HHAT: variants seen among roughly 807,000 people sequenced by gnomAD.
HHAT encodes the protein hedgehog acyltransferase.
In HHAT, 47 loss-of-function variants were observed where a neutral mutation model predicts 70.8. That is an observed-to-expected ratio of 0.66 (90% confidence interval 0.53 to 0.85). The LOEUF (loss-of-function observed/expected upper bound fraction) is 0.85, where lower values mean the gene tolerates loss of function less well. HHAT is among the 40% of genes least tolerant of loss of function. The probability of loss-of-function intolerance (pLI) is 0.00; values close to 1 mark genes in which losing one functional copy is unlikely to be tolerated. For missense variants in HHAT, 609 were observed against 604.8 expected, an observed-to-expected ratio of 1.01 and a Z score of -0.07; for synonymous variants, 228 against 247.6, an observed-to-expected ratio of 0.92 and a Z score of 0.74.
chr1:210,460,533 G>T (rs1411496031), intron 7 of HHAT, among the ~76,000 whole-genome samples: 1 of 152,114 alleles, frequency 6.6e-6, no homozygotes, highest in East Asian at 1.9e-4. Flanking sequence ...CGGGGTGTGG[G>T]TATTAATCTC....
chr1:210,584,101 C>T (rs192921000), intron 9 of HHAT, among the ~76,000 whole-genome samples: 491 of 151,846 alleles, frequency 3.2e-3, no homozygotes, highest in Middle Eastern at 0.014. Flanking sequence ...CACCACCACG[C>T]CTGGCTAATT....
intron 9 of HHAT, among the ~76,000 whole-genome samples, chr1:210,580,130 AT>A (rs1658897353): frequency 6.6e-6 from 1 of 152,196 alleles, no homozygotes; most frequent in African/African-American, 2.4e-5. Context: ...AGAATTGCAT[AT>A]GAAGCTTATG....
intron 4 of HHAT, among the ~76,000 whole-genome samples, chr1:210,389,920 T>C (rs886435148): frequency 1.1e-4 from 17 of 152,196 alleles, no homozygotes; most frequent in African/African-American, 1.2e-4. Flanking sequence ...GGGACAAACA[T>C]TCAAACCACA....
At chr1:210,560,998 C>T (rs2095618414) in intron 9 of HHAT, among the ~76,000 whole-genome samples, 1 of 152,022 alleles carries the variant, frequency 6.6e-6, no homozygotes, top group African/African-American at 2.4e-5. Context: ...CTATGAGGTT[C>T]TTTGATACAT....
chr1:210,660,166 C>G (rs1225697277), intron 11 of HHAT, among the ~76,000 whole-genome samples: 2 of 152,170 alleles, frequency 1.3e-5, no homozygotes, highest in African/African-American at 4.8e-5. Flanking sequence ...TTAGAAAACC[C>G]CATTGTCTCA....
At chr1:210,634,146 A>G (rs752251890) in intron 11 of HHAT, among the ~76,000 whole-genome samples, 3 of 152,166 alleles carry the variant, frequency 2.0e-5, no homozygotes, top group African/African-American at 7.2e-5. Context: ...GGCAATGTCT[A>G]AGAGAGTTTA....
At chr1:210,482,346 C>A (rs551680386) in intron 8 of HHAT, among the ~76,000 whole-genome samples, 1 of 152,296 alleles carries the variant, frequency 6.6e-6, no homozygotes, top group South Asian at 2.1e-4. Flanking sequence ...GCTGCTGGTG[C>A]CTATCTGAAA....
chr1:210,651,290 G>T (rs1447820722), intron 11 of HHAT, among the ~76,000 whole-genome samples: 3 of 152,224 alleles, frequency 2.0e-5, no homozygotes, highest in African/African-American at 7.2e-5. Context: ...TCAAGATCCA[G>T]TCTGGAAAAC....
At chr1:210,369,222 A>G (rs1571930807) in intron 3 of HHAT, among the ~76,000 whole-genome samples, 1 of 152,216 alleles carries the variant, frequency 6.6e-6, no homozygotes, top group East Asian at 1.9e-4. Flanking sequence ...GAAGAGTGTT[A>G]CAAGTAATCA....
intron 11 of HHAT, among the ~76,000 whole-genome samples, chr1:210,632,608 A>C (rs1435188335): frequency 6.6e-6 from 1 of 152,212 alleles, no homozygotes; most frequent in East Asian, 1.9e-4. Flanking sequence ...AACTGCCGGC[A>C]TTCAAACTGC....
chr1:210,417,168 C>T (rs767785601), intron 6 of HHAT, among the ~76,000 whole-genome samples: 1 of 152,140 alleles, frequency 6.6e-6, no homozygotes, highest in African/African-American at 2.4e-5. Flanking sequence ...AAAAACAGCC[C>T]GAGTTTATGG....
chr1:210,535,305 G>T (rs929278887), intron 9 of HHAT, among the ~76,000 whole-genome samples: 1 of 152,048 alleles, frequency 6.6e-6, no homozygotes, highest in Non-Finnish European at 1.5e-5. Flanking sequence ...TGTAGATTGG[G>T]TTAGATGATT....
intron 10 of HHAT, among the ~76,000 whole-genome samples, chr1:210,603,254 G>T (rs1664685450): frequency 6.6e-6 from 1 of 151,898 alleles, no homozygotes; most frequent in Non-Finnish European, 1.5e-5. Flanking sequence ...AACGAGTACT[G>T]AGCCAAAGAT....
intron 7 of HHAT, among the ~76,000 whole-genome samples, chr1:210,442,713 G>A (rs2148364350): frequency 6.6e-6 from 1 of 152,262 alleles, no homozygotes; most frequent in East Asian, 1.9e-4. Flanking sequence ...TTTCTTTCTT[G>A]TAAATTTGTT....
chr1:210,621,745 A>G (rs1034588224), intron 10 of HHAT, among the ~76,000 whole-genome samples: 3 of 152,156 alleles, frequency 2.0e-5, no homozygotes, highest in Admixed American at 2.0e-4. Context: ...AGCAGGGGCA[A>G]GACTAGAGGT....
chr1:210,626,423 C>G (rs981371204), intron 11 of HHAT, among the ~76,000 whole-genome samples: 3 of 152,154 alleles, frequency 2.0e-5, no homozygotes, highest in Non-Finnish European at 4.4e-5. Context: ...GTGGAATCAT[C>G]TCTCTTCTGG....
At chr1:210,601,088 T>C (rs1049150561) in intron 10 of HHAT, among the ~76,000 whole-genome samples, 2 of 152,048 alleles carry the variant, frequency 1.3e-5, no homozygotes, top group Admixed American at 6.6e-5. Context: ...GATTTGATGT[T>C]CTGGGGCATC....
intron 9 of HHAT, among the ~76,000 whole-genome samples, chr1:210,543,833 C>T (rs1054032557): frequency 6.6e-6 from 1 of 152,134 alleles, no homozygotes; most frequent in Non-Finnish European, 1.5e-5. Flanking sequence ...ACCTTGGTAG[C>T]TCCTCTCTGC....
At chr1:210,599,070 T>C (rs1243646475) in intron 10 of HHAT, among the ~76,000 whole-genome samples, 1 of 152,234 alleles carries the variant, frequency 6.6e-6, no homozygotes, top group Non-Finnish European at 1.5e-5. Context: ...TCTGATCGTC[T>C]ACAACAGGGT....
Sources: gnomAD v4.1 joint callset for allele counts (sites outside exome capture counted in the v4.1 genomes callset) on GRCh38, gnomAD v4.1.1 for gene constraint, MANE v1.5 for transcripts, NCBI Gene and HGNC (gene_info 2026-07-23, HGNC 2026-07-21) for gene names.